C16orf96: variants seen among roughly 807,000 people sequenced by gnomAD.
The protein encoded by C16orf96 is chromosome 16 open reading frame 96.
Under a neutral mutation model 103.6 loss-of-function variants are expected in C16orf96, and 108 were observed. The ratio of observed to expected loss-of-function variants is 1.04; its 90% CI spans 0.89 to 1.22. The LOEUF (loss-of-function observed/expected upper bound fraction) is 1.22, where lower values mean the gene tolerates loss of function less well. C16orf96 is among the 50% of genes most tolerant of loss of function. The pLI is 0.00. For synonymous variants in C16orf96, 566 were observed against 593.5 expected (o/e 0.95, Z 0.67); for missense variants, 1,586 against 1,464.2 (o/e 1.08, Z -1.36).
Position 4,600,147 on chromosome 16 carries a change from C to G in C16orf96, c.3256C>G (p.Leu1086Val). The G allele has an allele frequency of 6.4e-7, 1 of 1,551,702 alleles. No individual in the cohort carries two copies. The highest frequency in any genetic ancestry group is 2.4e-5 in the East Asian group (1 of 40,906). Residue 1086 changes from leucine to valine, a missense_variant, in exon 16 of 16, where the codon CTG becomes GTG. Coordinates refer to ENST00000444310, the MANE Select transcript of C16orf96 (RefSeq NM_001145011.2). ...SACSAASGPH[L>V]TMPARPPSLP... is the part of the protein sequence containing the mutation. Reference sequence around the variant, plus strand: ...CTGCTCAGCTGCCTCGGGCCCTCACCTGACGATGCCAGCTCGACCACCTTC... The same window carrying G: ...CTGCTCAGCTGCCTCGGGCCCTCACGTGACGATGCCAGCTCGACCACCTTC...
rs1245455413 is a variant in C16orf96 at position 4,600,299 on chromosome 16, G to A, written c.3408G>A (p.Glu1136=). 1.3e-6 allele frequency: 2 copies of A among 1,549,918 alleles called. No homozygotes were observed. Among genetic ancestry groups the A allele is most frequent in the South Asian group, 1.2e-5 (1 of 84,024 alleles). ...IESRVGRKPP[E]EPANP is the part of the protein sequence containing the mutation. ...CCCGAGTCGGCAGGAAGCCCCCCGA[G>A]GAGCCCGCCAACCCGTGAGCCCCAC... is the stretch of plus-strand genomic sequence containing the variant. The change falls in exon 16 of 16, where the codon GAG becomes GAA. Residue 1136 remains glutamate, a synonymous_variant. Transcript: ENST00000444310.
At chr16:4,588,910 C>CT (rs1426111647) in intron 9 of C16orf96, among the ~76,000 whole-genome samples, 1 of 152,078 alleles carries the variant, frequency 6.6e-6, no homozygotes, top group Non-Finnish European at 1.5e-5. Context: ...AATTTAACCT[C>CT]TTTGGGCCAG....
chr16:4,546,320 A>G, the C16orf96 span, among the ~76,000 whole-genome samples: 8 of 151,338 alleles, frequency 5.3e-5, no homozygotes, highest in Non-Finnish European at 1.0e-4. Flanking sequence ...TACCGCGCCC[A>G]GCTAATTTTT....
Position 4,575,474 on chromosome 16 carries a change from A to T in C16orf96, c.994A>T (p.Thr332Ser), listed in dbSNP as rs1336368503. 6.5e-7 allele frequency: 1 copy of T among 1,548,090 alleles called. No homozygotes were observed. The highest frequency in any genetic ancestry group is 2.0e-5 in the Admixed American group (1 of 50,986). ...ATTTGCACCTGGGCCTGCACCTGGGACTGAACCTGTGCCAGGACTGGAGCT... is the reference window on the plus strand; with the variant it reads ...ATTTGCACCTGGGCCTGCACCTGGGTCTGAACCTGTGCCAGGACTGGAGCT... ...TEFAPGPAPG[T>S]EPVPGLELGL... is the part of the protein sequence containing the mutation. Residue 332 changes from threonine to serine, a missense_variant, in exon 5 of 16, where the codon ACT (threonine) becomes TCT (serine). Coordinates refer to ENST00000444310, the MANE Select transcript of C16orf96 (RefSeq NM_001145011.2).
the C16orf96 span, among the ~76,000 whole-genome samples, chr16:4,548,254 T>G: frequency 2.4e-3 from 362 of 152,314 alleles, 11 homozygotes; most frequent in East Asian, 0.067. Flanking sequence ...TTTTCAGGCT[T>G]GCAGAGGAGC....
intron 1 of C16orf96, among the ~76,000 whole-genome samples, chr16:4,558,424 G>A (rs985895833): frequency 5.9e-5 from 9 of 152,134 alleles, no homozygotes; most frequent in African/African-American, 1.7e-4. Context: ...GACCAGCCTT[G>A]GCAGCGTAGT....
the C16orf96 span, among the ~76,000 whole-genome samples, chr16:4,548,559 T>G: frequency 3.3e-5 from 5 of 151,934 alleles, no homozygotes; most frequent in Admixed American, 1.3e-4. Context: ...CCCAAGAACT[T>G]TTGCGCCTAA....
At chr16:4,540,147 C>T in the C16orf96 span, among the ~76,000 whole-genome samples, 1 of 152,192 alleles carries the variant, frequency 6.6e-6, no homozygotes, top group African/African-American at 2.4e-5. Flanking sequence ...TGGCTACTTG[C>T]TCAGGTACTT....
the C16orf96 span, among the ~76,000 whole-genome samples, chr16:4,539,256 C>A: frequency 6.6e-6 from 1 of 152,212 alleles, no homozygotes; most frequent in African/African-American, 2.4e-5. Flanking sequence ...GCAGAACTAA[C>A]TTTGGGAGCA....
At chr16:4,557,491 GC>G (rs1431151080) in intron 1 of C16orf96, among the ~76,000 whole-genome samples, 1 of 152,178 alleles carries the variant, frequency 6.6e-6, no homozygotes, top group African/African-American at 2.4e-5. Context: ...AGCAGTGGTT[GC>G]CAGGGGCTTG....
chr16:4,577,954 CA>C (rs1378787688), intron 5 of C16orf96, among the ~76,000 whole-genome samples: 16 of 144,464 alleles, frequency 1.1e-4, no homozygotes, highest in South Asian at 2.2e-4. Context: ...CTCCTCAAAA[CA>C]AAAAAAAAAG....
intron 7 of C16orf96, among the ~76,000 whole-genome samples, chr16:4,581,887 T>C (rs541935007): frequency 1.5e-4 from 23 of 151,304 alleles, no homozygotes; most frequent in Admixed American, 1.4e-3. Flanking sequence ...GCATGGGAGG[T>C]TGAGGCTGCA....
At chr16:4,558,932 A>T (rs1433861273) in intron 1 of C16orf96, among the ~76,000 whole-genome samples, 1 of 150,986 alleles carries the variant, frequency 6.6e-6, no homozygotes, top group Non-Finnish European at 1.5e-5. Context: ...AAAAAAAAAA[A>T]AAATTAGCCA....
Position 4,593,643 on chromosome 16 carries a change from T to C in C16orf96, c.2867+327T>C, listed in dbSNP as rs907601830. ...TGTCCCTGTTTCTTGGCGGAGGGAA[T>C]CGGTGATGATGGGGAACCCTCAGGG... On this transcript the variant is annotated intron_variant, in intron 12 of 15. Coordinates refer to ENST00000444310, the MANE Select transcript of C16orf96 (RefSeq NM_001145011.2). The surrounding 1 kb of genome is among the most constrained non-coding windows in gnomAD (Gnocchi z 4.2). Among the ~76,000 whole-genome samples the C allele has an allele frequency of 6.6e-6, 1 of 152,078 alleles. No individual in the cohort carries two copies. The highest frequency in any genetic ancestry group is 2.4e-5 in the African/African-American group (1 of 41,404).
In C16orf96 at chr16:4,593,419, C is replaced by T; in HGVS notation, c.2867+103C>T. 8.7e-7 allele frequency: 1 copy of T among 1,154,218 alleles called. No individual in the cohort carries two copies. The highest frequency in any genetic ancestry group is 2.0e-5 in the Admixed American group (1 of 48,962). The allele number at this position is 1,154,218 out of a possible 1,614,324, so 71.5% of individuals were successfully genotyped here. The stretch of plus-strand genomic sequence containing the variant: ...GAGACACATCCTCCAGGCCCAGGGA[C>T]CTAAGATTGTCCTGGACATGGCCAG... On this transcript the variant is annotated intron_variant, in intron 12 of 15. Transcript: ENST00000444310. The surrounding 1 kb of genome is among the most constrained non-coding windows in gnomAD (Gnocchi z 4.2).
At chr16:4,567,993 G>C (rs753757670) in intron 1 of C16orf96, among the ~76,000 whole-genome samples, 24 of 152,040 alleles carry the variant, frequency 1.6e-4, no homozygotes, top group Non-Finnish European at 2.9e-4. Context: ...ACCACGTCCG[G>C]CCTGTTTTTG....
chr16:4,560,598 A>T (rs1034707007), intron 1 of C16orf96: 1 of 152,162 alleles, frequency 6.6e-6, no homozygotes, highest in Non-Finnish European at 1.5e-5. Flanking sequence ...ACACACAAAA[A>T]AAAAACATGA....
chr16:4,575,744 A>G lies in C16orf96; in HGVS notation c.1264A>G (p.Arg422Gly). ...VLRPTQPQPS[R>G]APPPATEFGS... The stretch of plus-strand genomic sequence containing the variant: ...GCGGCCAACTCAGCCCCAACCCTCC[A>G]GGGCCCCACCACCAGCCACTGAGTT... Residue 422 changes from arginine (R) to glycine (G), a missense_variant, in exon 5 of 16, where the codon AGG becomes GGG. Transcript: ENST00000444310. 1.3e-6 allele frequency: 2 copies of G among 1,545,056 alleles called. No individual in the cohort carries two copies. Among genetic ancestry groups the G allele is most frequent in the Non-Finnish European group, 1.7e-6 (2 of 1,144,152 alleles).
rs2059262648 is a variant in C16orf96 at position 4,556,437 on chromosome 16, C to T, written c.-53C>T. ...GCTCTCGGAACCACTGAAAGCTACC[C>T]CTTGTCCTTGAGGACACCTGGAACC... On this transcript the variant is annotated 5_prime_UTR_variant, in exon 1 of 16. Coordinates refer to ENST00000444310, the MANE Select transcript of C16orf96 (RefSeq NM_001145011.2). The T allele has an allele frequency of 6.8e-7, 1 of 1,468,712 alleles. No individual in the cohort carries two copies. Among genetic ancestry groups the T allele is most frequent in the Non-Finnish European group, 9.1e-7 (1 of 1,101,324 alleles). The allele number at this position is 1,468,712 out of a possible 1,614,324, so 91.0% of individuals were successfully genotyped here.
Sources: allele counts gnomAD v4.1 joint callset (sites outside exome capture counted in the v4.1 genomes callset), GRCh38; gene constraint gnomAD v4.1.1; non-coding constraint Gnocchi (gnomAD v3.1); transcripts MANE v1.5; gene names NCBI Gene and HGNC (gene_info 2026-07-23, HGNC 2026-07-21).